Variants in VSIG1 observed in about 807,000 individuals in gnomAD.
The protein encoded by VSIG1 is V-set and immunoglobulin domain-containing protein 1.
A neutral mutation model predicts 20.1 loss-of-function variants in VSIG1; 11 were observed. That is an observed-to-expected ratio of 0.55 (90% CI 0.34 to 0.91). The LOEUF (loss-of-function observed/expected upper bound fraction) is 0.91. Ranked by LOEUF, VSIG1 falls within the 40% of genes least tolerant of loss-of-function variation. VSIG1 has a pLI of 0.02. For missense variants in VSIG1, 283 were observed against 298.8 expected, an observed-to-expected ratio of 0.95 and a Z score of 0.39; for synonymous variants, 126 against 116.7, an observed-to-expected ratio of 1.08 and a Z score of -0.52.
the VSIG1 span, among the ~76,000 whole-genome samples, chrX:108,023,494 T>C: frequency 5.3e-5 from 6 of 112,325 alleles, no homozygotes; most frequent in African/African-American, 1.3e-4. Flanking sequence ...CTTTTCTACT[T>C]TCTGGAAGAG....
chrX:108,030,174 C>T, the VSIG1 span, among the ~76,000 whole-genome samples: 14 of 111,463 alleles, frequency 1.3e-4, no homozygotes, highest in Non-Finnish European at 2.6e-4. Context: ...TAGCTCATAA[C>T]AAAAAAGGTT....
At chrX:108,074,607 A>G (rs2031316856) in intron 5 of VSIG1, among the ~76,000 whole-genome samples, 1 of 112,241 alleles carries the variant, frequency 8.9e-6, no homozygotes, top group Non-Finnish European at 1.9e-5. Flanking sequence ...TAGAGGGACA[A>G]ACACAACTAA....
At chrX:108,037,877 AG>A in the VSIG1 span, among the ~76,000 whole-genome samples, 1 of 111,710 alleles carries the variant, frequency 9.0e-6, no homozygotes, top group East Asian at 2.8e-4. Flanking sequence ...TATGTGAAAA[AG>A]TAATGAGTGC....
At chrX:108,072,124 G>A (rs2031259755) in intron 3 of VSIG1, among the ~76,000 whole-genome samples, 1 of 110,337 alleles carries the variant, frequency 9.1e-6, no homozygotes, top group African/African-American at 3.3e-5. Flanking sequence ...TTATAAATCT[G>A]AGGAGGAGGC....
the VSIG1 span, among the ~76,000 whole-genome samples, chrX:108,032,172 C>T: frequency 4.4e-5 from 5 of 112,663 alleles, no homozygotes; most frequent in African/African-American, 1.6e-4. Flanking sequence ...GCTTACTCTG[C>T]TGTATCGTCA....
Position 108,066,922 on chromosome X carries a change from A to AT in VSIG1, c.214-9dup, listed in dbSNP as rs1384835529. The AT allele has an allele frequency of 8.3e-7, 1 of 1,205,814 alleles. No individual in the cohort carries two copies. The highest frequency in any genetic ancestry group is 1.1e-6 in the Non-Finnish European group (1 of 891,752). Reference sequence around the variant, plus strand: ...ACTCTCTCCAGTTCTCACTTCTGTTATTTTTCTGTCTAGATTTACTTTTCT... The same window carrying AT: ...ACTCTCTCCAGTTCTCACTTCTGTTATTTTTTCTGTCTAGATTTACTTTTCT... On this transcript the variant is annotated splice_polypyrimidine_tract_variant and intron_variant, in intron 2 of 6. Transcript: ENST00000217957.
chrX:108,071,068 G>A (rs1023532097), intron 3 of VSIG1, among the ~76,000 whole-genome samples: 2 of 111,660 alleles, frequency 1.8e-5, no homozygotes, highest in African/African-American at 6.5e-5. Context: ...TTTTACAGAT[G>A]AGTCAGCTGA....
At chrX:108,062,765 C>A (rs1339520803) in intron 2 of VSIG1, among the ~76,000 whole-genome samples, 1 of 111,807 alleles carries the variant, frequency 8.9e-6, no homozygotes, top group Non-Finnish European at 1.9e-5. Flanking sequence ...TACCTGCACA[C>A]CCCTTCCCTA....
At chrX:108,026,039 C>T in the VSIG1 span, among the ~76,000 whole-genome samples, 3 of 112,280 alleles carry the variant, frequency 2.7e-5, no homozygotes, top group African/African-American at 9.7e-5. Context: ...ACTTCATCTC[C>T]TGTTTAAAAT....
At chrX:108,021,603 G>C in the VSIG1 span, among the ~76,000 whole-genome samples, 1 of 111,724 alleles carries the variant, frequency 9.0e-6, no homozygotes, top group African/African-American at 3.3e-5. Flanking sequence ...TATACTTTTG[G>C]TGTCATATTT....
At chrX:108,047,933 T>TATATAC (rs1555980374) in intron 1 of VSIG1, among the ~76,000 whole-genome samples, 2 of 58,986 alleles carry the variant, frequency 3.4e-5, no homozygotes, top group African/African-American at 1.1e-4. Flanking sequence ...TATATATATA[T>TATATAC]ACACATATAT....
At chrX:108,033,981 A>ACAACAATTTTTTTTT in the VSIG1 span, among the ~76,000 whole-genome samples, 1 of 110,524 alleles carries the variant, frequency 9.0e-6, no homozygotes, top group South Asian at 3.9e-4. Context: ...AGAAAAAGGA[A>ACAACAATTTTTTTTT]GACACAATTT....
chrX:108,025,438 G>A, the VSIG1 span, among the ~76,000 whole-genome samples: 1 of 111,970 alleles, frequency 8.9e-6, no homozygotes, highest in African/African-American at 3.2e-5. Flanking sequence ...AGTTGGTGTT[G>A]TATATTCTTG....
At chrX:108,057,153 A>G (rs1345613691) in intron 1 of VSIG1, among the ~76,000 whole-genome samples, 3 of 112,618 alleles carry the variant, frequency 2.7e-5, no homozygotes, top group Admixed American at 9.4e-5. Flanking sequence ...AAAGGTTACC[A>G]TGATTCCTTG....
intron 3 of VSIG1, among the ~76,000 whole-genome samples, chrX:108,069,027 A>G (rs1046678213): frequency 1.8e-5 from 2 of 111,656 alleles, no homozygotes; most frequent in Admixed American, 9.5e-5. Flanking sequence ...AACTGGAGGG[A>G]TTAGCTAATG....
chrX:108,054,955 A>G (rs760240460), intron 1 of VSIG1, among the ~76,000 whole-genome samples: 1 of 108,025 alleles, frequency 9.3e-6, no homozygotes, highest in South Asian at 4.1e-4. Flanking sequence ...GGAAGGGAAT[A>G]ATAAAGAGCT....
intron 2 of VSIG1, 134 bp from the exon 3 acceptor site, chrX:108,066,802 C>A: frequency 1.7e-6 from 1 of 593,008 alleles, no homozygotes; most frequent in Non-Finnish European, 2.6e-6. Context: ...AAACCTTGGC[C>A]ACAGGGACCT....
chrX:108,047,957 CACACATATATATATATATATATATAT>C, intron 1 of VSIG1, among the ~76,000 whole-genome samples: 1 of 25,899 alleles, frequency 3.9e-5, no homozygotes, highest in African/African-American at 2.7e-4. Flanking sequence ...TATATATACA[CACACATATATATATATATATATATAT>C]ATATATATAT....
the VSIG1 span, among the ~76,000 whole-genome samples, chrX:108,025,659 G>A: frequency 3.6e-5 from 4 of 112,560 alleles, no homozygotes; most frequent in African/African-American, 1.3e-4. Flanking sequence ...TTTCAATAAT[G>A]TACATATTCA....
Sources: gnomAD v4.1 joint callset for allele counts (sites outside exome capture counted in the v4.1 genomes callset) on GRCh38, gnomAD v4.1.1 for gene constraint, MANE v1.5 for transcripts, NCBI Gene and HGNC (gene_info 2026-07-23, HGNC 2026-07-21) for gene names.